The following GNAQ variants were observed in gnomAD, a reference collection of about 807,000 sequenced individuals.
GNAQ encodes the protein G protein subunit alpha q.
Under a neutral mutation model 43.9 loss-of-function variants are expected in GNAQ, and 8 were observed. The ratio of observed to expected loss-of-function variants is 0.18; its 90% CI spans 0.11 to 0.33. GNAQ has a LOEUF of 0.33. GNAQ is among the 10% of genes least tolerant of loss of function. The pLI is 1.00. For synonymous variants in GNAQ, 155 were observed against 170.7 expected, an observed-to-expected ratio of 0.91 and a Z score of 0.71; for missense variants, 158 against 450.8, an observed-to-expected ratio of 0.35 and a Z score of 5.88.
At chr9:77,753,993 C>CT (rs1400790172) in intron 5 of GNAQ, among the ~76,000 whole-genome samples, 1 of 152,160 alleles carries the variant, frequency 6.6e-6, no homozygotes, top group Non-Finnish European at 1.5e-5. Flanking sequence ...AAAGCAAAAT[C>CT]TGAGTCTTTT....
intron 2 of GNAQ, among the ~76,000 whole-genome samples, chr9:77,871,659 C>T (rs1001663745): frequency 6.6e-6 from 1 of 152,198 alleles, no homozygotes; most frequent in Non-Finnish European, 1.5e-5. Flanking sequence ...TCCCCATATC[C>T]TCACCATGCT....
chr9:77,943,575 G>A (rs1829344437), intron 1 of GNAQ, among the ~76,000 whole-genome samples: 1 of 150,988 alleles, frequency 6.6e-6, no homozygotes, highest in Non-Finnish European at 1.5e-5. Flanking sequence ...ACATTCATGT[G>A]AGACCACTCT....
chr9:77,830,483 CG>C lies in GNAQ; in HGVS notation c.322-14714del, dbSNP rs576939139. 5.0e-4 allele frequency among the ~76,000 whole-genome samples: 76 copies of C among 152,220 alleles called. 1 individual carries two copies. Among genetic ancestry groups the C allele is most frequent in the Admixed American group, 4.7e-3 (72 of 15,290 alleles). ...GTGGTGACCAGGAGTTCTAAGGAGT[CG>C]TTACTAAGTATCTTTGTTAAAACAC... On this transcript the variant is annotated intron_variant, in intron 2 of 6. Transcript: ENST00000286548.
At chr9:78,004,416 T>G (rs1454031436) in intron 1 of GNAQ, among the ~76,000 whole-genome samples, 2 of 152,074 alleles carry the variant, frequency 1.3e-5, no homozygotes, top group African/African-American at 2.4e-5. Context: ...CAGGTGCTCA[T>G]GAGAAATTCA....
intron 1 of GNAQ, among the ~76,000 whole-genome samples, chr9:77,934,988 G>C (rs1293957959): frequency 6.6e-6 from 1 of 152,138 alleles, no homozygotes; most frequent in African/African-American, 2.4e-5. Context: ...AGCAGGGTAT[G>C]GTGGTGTGGG....
rs555223301 is a variant in GNAQ, at chr9:77,753,287, G to A, written c.736-24620C>T. 1.2e-3 allele frequency among the ~76,000 whole-genome samples: 182 copies of A among 150,884 alleles called. 1 individual carries two copies. Among genetic ancestry groups the A allele is most frequent in the African/African-American group, 3.8e-3 (157 of 41,248 alleles). On this transcript the variant is annotated intron_variant, in intron 5 of 6. Transcript: ENST00000286548. ...CACACATACACATGCGCGTGCGCAC[G>A]CGCACACACACACACCCCCACCCAC...
intron 2 of GNAQ, among the ~76,000 whole-genome samples, chr9:77,863,835 C>T (rs1234361760): frequency 6.6e-6 from 1 of 152,160 alleles, no homozygotes; most frequent in Non-Finnish European, 1.5e-5. Flanking sequence ...TATTTAAAAT[C>T]ATCAGATCTC....
intron 5 of GNAQ, among the ~76,000 whole-genome samples, chr9:77,772,459 T>G (rs1587909663): frequency 6.6e-6 from 1 of 152,158 alleles, no homozygotes; most frequent in Non-Finnish European, 1.5e-5. Flanking sequence ...CTCTGACCAC[T>G]GGGGTCAATA....
intron 3 of GNAQ, among the ~76,000 whole-genome samples, chr9:77,804,372 T>A (rs1340543676): frequency 6.6e-6 from 1 of 152,192 alleles, no homozygotes; most frequent in Non-Finnish European, 1.5e-5. Flanking sequence ...CTAGGGTTAA[T>A]AAATTTTATA....
intron 3 of GNAQ, among the ~76,000 whole-genome samples, chr9:77,812,871 T>C (rs1304658205): frequency 6.6e-6 from 1 of 151,800 alleles, no homozygotes; most frequent in Non-Finnish European, 1.5e-5. Flanking sequence ...TGTCTACATA[T>C]ATATACATAT....
chr9:77,819,774 G>C (rs1827082162), intron 2 of GNAQ, among the ~76,000 whole-genome samples: 1 of 118,532 alleles, frequency 8.4e-6, no homozygotes, highest in Admixed American at 9.4e-5. Flanking sequence ...CTCCTAAATG[G>C]ACTGTGGAAA....
At chr9:77,964,897 C>A (rs1204855083) in intron 1 of GNAQ, among the ~76,000 whole-genome samples, 1 of 152,054 alleles carries the variant, frequency 6.6e-6, no homozygotes, top group Non-Finnish European at 1.5e-5. Context: ...AAATACTCAA[C>A]TTCTCTAATA....
At chr9:77,905,032 T>TA (rs1053297803) in intron 2 of GNAQ, among the ~76,000 whole-genome samples, 9 of 152,194 alleles carry the variant, frequency 5.9e-5, no homozygotes, top group African/African-American at 2.2e-4. Context: ...CTTTTTGTGA[T>TA]AAAAAAGTTT....
chr9:77,736,116 C>A (rs977211009), intron 5 of GNAQ, among the ~76,000 whole-genome samples: 1 of 152,206 alleles, frequency 6.6e-6, no homozygotes, highest in Admixed American at 6.5e-5. Flanking sequence ...AATTTATCCA[C>A]GTTATCAAAT....
chr9:77,939,860 C>CTCCCCTT, intron 1 of GNAQ, among the ~76,000 whole-genome samples: 1 of 152,150 alleles, frequency 6.6e-6, no homozygotes, highest in Non-Finnish European at 1.5e-5. Flanking sequence ...TGTGGCAAGC[C>CTCCCCTT]TGATTTCTGC....
Position 77,718,549 on chromosome 9 carries a change from A to T in GNAQ, c.*2774T>A, listed in dbSNP as rs994287223. The stretch of plus-strand genomic sequence containing the variant: ...CCATCCCAATTTCATAAAGACAAAT[A>T]TAACAATCTTTCCCTGTTTTGCTCA... On this transcript the variant is annotated 3_prime_UTR_variant, in exon 7 of 7. Coordinates refer to ENST00000286548, the MANE Select transcript of GNAQ (RefSeq NM_002072.5). 4 of 232,420 alleles carry T rather than the reference A, an allele frequency of 1.7e-5. No individual in the cohort carries two copies. The highest frequency in any genetic ancestry group is 1.1e-4 in the Admixed American group (2 of 17,756). 14.4% of individuals were successfully genotyped at this position (232,420 alleles called of 1,614,324 possible). A position where few individuals can be genotyped will look rare whatever the true frequency, so the allele number is the denominator to read the frequency against.
At chr9:77,791,165 G>A (rs748221494) in intron 5 of GNAQ, among the ~76,000 whole-genome samples, 5 of 152,156 alleles carry the variant, frequency 3.3e-5, no homozygotes, top group Admixed American at 6.5e-5. Context: ...AGGACATGGA[G>A]GAGAAAAAGG....
intron 1 of GNAQ, among the ~76,000 whole-genome samples, chr9:78,024,315 G>A (rs1823949563): frequency 6.6e-6 from 1 of 152,134 alleles, no homozygotes; most frequent in Admixed American, 6.6e-5. Context: ...AAGAGGAGTG[G>A]AAAATGGAGG....
intron 1 of GNAQ, among the ~76,000 whole-genome samples, chr9:78,026,163 T>C (rs1439397206): frequency 1.3e-5 from 2 of 152,196 alleles, no homozygotes; most frequent in African/African-American, 4.8e-5. Context: ...CTTTAGAATA[T>C]GTGAATAGAT....
Sources: allele counts gnomAD v4.1 joint callset (sites outside exome capture counted in the v4.1 genomes callset), GRCh38; gene constraint gnomAD v4.1.1; transcripts MANE v1.5; gene names NCBI Gene and HGNC (gene_info 2026-07-23, HGNC 2026-07-21).